SCD5: variants seen among roughly 807,000 people sequenced by gnomAD.
SCD5 encodes the protein acyl-CoA-desaturase 4.
In SCD5, 20 loss-of-function variants were observed where a neutral mutation model predicts 30.4. That is an observed-to-expected ratio of 0.66 (90% CI 0.46 to 0.96). The LOEUF is 0.96. Among genes scored for constraint, SCD5 ranks in the 40% least tolerant of loss-of-function variants. The pLI is 0.00. For missense variants in SCD5, 381 were observed against 443.3 expected (o/e 0.86, Z 1.26); for synonymous variants, 173 against 176.4 (o/e 0.98, Z 0.16).
At chr4:82,666,587 A>G (rs1305312659) in intron 3 of SCD5, among the ~76,000 whole-genome samples, 1 of 152,362 alleles carries the variant, frequency 6.6e-6, no homozygotes, top group South Asian at 2.1e-4. Context: ...TAGCCTAGAA[A>G]GAGAACCAGG....
rs893433761 is a variant in SCD5 at position 82,687,851 on chromosome 4, A to G, written c.364-6939T>C. ...CAGAACTACTCCCCAGCTTCCTTTTATGTTCAAAATAAATTCTCGAATCTA... is the reference window on the plus strand; with the variant it reads ...CAGAACTACTCCCCAGCTTCCTTTTGTGTTCAAAATAAATTCTCGAATCTA... On this transcript the variant is annotated intron_variant, in intron 2 of 4. Transcript: ENST00000319540. Among the ~76,000 whole-genome samples the G allele has an allele frequency of 2.6e-5, 4 of 152,204 alleles. No homozygotes were observed. The East Asian group carries it at 7.7e-4, about 29-fold the overall frequency.
chr4:82,784,016 C>T (rs1055271692), intron 1 of SCD5, among the ~76,000 whole-genome samples: 8 of 152,022 alleles, frequency 5.3e-5, no homozygotes, highest in Admixed American at 1.3e-4. Context: ...TACATACACA[C>T]GTATATAACG....
At chr4:82,641,336 G>A (rs1727541739) in intron 3 of SCD5, among the ~76,000 whole-genome samples, 1 of 150,228 alleles carries the variant, frequency 6.7e-6, no homozygotes, top group South Asian at 2.1e-4. Context: ...TATACTGGCA[G>A]AGATCTATAT....
chr4:82,790,223 G>C (rs577440953), intron 1 of SCD5, among the ~76,000 whole-genome samples: 24 of 152,252 alleles, frequency 1.6e-4, no homozygotes, highest in African/African-American at 5.5e-4. Context: ...CTCCACACTA[G>C]AAATCATTGT....
intron 1 of SCD5, among the ~76,000 whole-genome samples, chr4:82,787,965 A>G (rs948092050): frequency 6.6e-6 from 1 of 152,196 alleles, no homozygotes; most frequent in Non-Finnish European, 1.5e-5. Context: ...TGAGTTCAGG[A>G]GTTCGTGGTT....
rs1553915598 is a variant in SCD5 at position 82,679,238 on chromosome 4, A to AAGAGAGAG, written c.569+1468_569+1469insCTCTCTCT. ...AAGAAAGAAAAGAAAGAAAGAAAGA[A>AAGAGAGAG]AGAAAGAAAGAAAGAAAGAAAGAAG... On this transcript the variant is annotated intron_variant, in intron 3 of 4. Coordinates refer to ENST00000319540, the MANE Select transcript of SCD5 (RefSeq NM_001037582.3). Among the ~76,000 whole-genome samples, 865 of 88,970 alleles carry AAGAGAGAG rather than the reference A, an allele frequency of 9.7e-3. 22 individuals are homozygous for AAGAGAGAG. Among genetic ancestry groups the AAGAGAGAG allele is most frequent in the Middle Eastern group, 0.021 (4 of 192 alleles). The allele number at this position is 88,970 out of a possible 152,430, so 58.4% of individuals were successfully genotyped here.
intron 3 of SCD5, among the ~76,000 whole-genome samples, chr4:82,658,426 T>TGCATCCCA (rs905595182): frequency 3.1e-4 from 47 of 151,618 alleles, no homozygotes; most frequent in African/African-American, 1.1e-3. Context: ...GAACGAGCCT[T>TGCATCCCA]GCATCCCAGG....
chr4:82,770,548 T>C (rs1279456670), intron 1 of SCD5, among the ~76,000 whole-genome samples: 2 of 152,258 alleles, frequency 1.3e-5, no homozygotes, highest in Admixed American at 6.5e-5. Flanking sequence ...AACAGCCCAC[T>C]TGTATTTTAT....
chr4:82,742,214 C>T (rs1439504431), intron 1 of SCD5, among the ~76,000 whole-genome samples: 5 of 152,096 alleles, frequency 3.3e-5, no homozygotes, highest in African/African-American at 1.2e-4. Flanking sequence ...ATTCAGGTCC[C>T]AGAGGCATGC....
chr4:82,659,870 C>T (rs1727945580), intron 3 of SCD5: 1 of 151,898 alleles, frequency 6.6e-6, no homozygotes, highest in Admixed American at 6.6e-5. Flanking sequence ...TTAAAAGACA[C>T]AGACTGGCAA....
chr4:82,640,377 C>T (rs1400983488), intron 3 of SCD5, among the ~76,000 whole-genome samples: 3 of 152,114 alleles, frequency 2.0e-5, no homozygotes, highest in African/African-American at 7.2e-5. Flanking sequence ...GCCTCTTCCT[C>T]AAAAAAGACA....
chr4:82,755,338 A>G (rs1348064525), intron 1 of SCD5, among the ~76,000 whole-genome samples: 1 of 152,178 alleles, frequency 6.6e-6, no homozygotes, highest in African/African-American at 2.4e-5. Context: ...AGTGTCTACT[A>G]AAAATACAAA....
At position 82,631,533 on chromosome 4, in the gene SCD5, G is replaced by A. The variant is rs1365345042; in HGVS notation, c.803-16C>T. The A allele has an allele frequency of 1.9e-6, 3 of 1,612,346 alleles. No individual in the cohort carries two copies. Among genetic ancestry groups the A allele is most frequent in the South Asian group, 1.1e-5 (1 of 90,876 alleles). On this transcript the variant is annotated splice_polypyrimidine_tract_variant and intron_variant, in intron 4 of 4. Coordinates refer to ENST00000319540, the MANE Select transcript of SCD5 (RefSeq NM_001037582.3). ...AAGCCTTCACCTGGAAGACAAAGCG[G>A]GCATTGATATAATTCAATCACCACC...
chr4:82,730,486 C>T (rs938564798), intron 1 of SCD5, among the ~76,000 whole-genome samples: 2 of 150,116 alleles, frequency 1.3e-5, no homozygotes, highest in Non-Finnish European at 3.0e-5. Flanking sequence ...TTAGTAGAAA[C>T]GGGGTTTCAC....
chr4:82,706,179 C>T (rs1208445728), intron 1 of SCD5, among the ~76,000 whole-genome samples: 1 of 147,296 alleles, frequency 6.8e-6, no homozygotes, highest in Admixed American at 7.1e-5. Flanking sequence ...CATCCCTGGC[C>T]TTCTTATCTC....
At chr4:82,744,063 A>T (rs1720936394) in intron 1 of SCD5, among the ~76,000 whole-genome samples, 1 of 152,068 alleles carries the variant, frequency 6.6e-6, no homozygotes, top group Admixed American at 6.6e-5. Flanking sequence ...TAAGCTCAAC[A>T]GATCCGCCTG....
chr4:82,726,274 G>C (rs537276940), intron 1 of SCD5, among the ~76,000 whole-genome samples: 1 of 152,028 alleles, frequency 6.6e-6, no homozygotes, highest in Admixed American at 6.6e-5. Flanking sequence ...AAAATTAGCC[G>C]GGCGTGGTGG....
chr4:82,788,174 C>T lies in SCD5; in HGVS notation c.232+10132G>A, dbSNP rs117113598. Among the ~76,000 whole-genome samples, 173 of 152,290 alleles carry T rather than the reference C, an allele frequency of 1.1e-3. 3 individuals carry two copies. In the East Asian group the frequency reaches 0.029, roughly 26 times the overall value. Reference sequence around the variant, plus strand: ...GGGTCCTTACCAGACGCCAATCTACCGATGCATTGTTCATGGACTTCCCAG... The same window carrying T: ...GGGTCCTTACCAGACGCCAATCTACTGATGCATTGTTCATGGACTTCCCAG... On this transcript the variant is annotated intron_variant, in intron 1 of 4. Transcript: ENST00000319540.
chr4:82,759,243 C>T (rs111786505), intron 1 of SCD5, among the ~76,000 whole-genome samples: 126 of 152,332 alleles, frequency 8.3e-4, no homozygotes, highest in African/African-American at 2.8e-3. Flanking sequence ...ACAGTGGCAG[C>T]TGGCGGGATG....
Sources: gnomAD v4.1 joint callset for allele counts (sites outside exome capture counted in the v4.1 genomes callset) on GRCh38, gnomAD v4.1.1 for gene constraint, MANE v1.5 for transcripts, NCBI Gene and HGNC (gene_info 2026-07-23, HGNC 2026-07-21) for gene names.